The following CMTM1 variants were observed in gnomAD, a reference collection of about 807,000 sequenced individuals.
CMTM1 encodes CKLF like MARVEL transmembrane domain containing 1, also known as CKLF-like MARVEL transmembrane domain-containing protein 1.
CMTM1 carries 16 observed loss-of-function variants against 17.8 expected under a neutral mutation model. The observed-to-expected ratio is 0.90, with a 90% CI of 0.61 to 1.37. CMTM1 has a LOEUF of 1.37. Among genes scored for constraint, CMTM1 ranks in the 40% most tolerant of loss-of-function variants. The probability of loss-of-function intolerance (pLI) is 0.00; values close to 1 mark genes in which losing one functional copy is unlikely to be tolerated. For synonymous variants in CMTM1, 169 were observed against 154.6 expected (o/e 1.09, Z -0.69); for missense variants, 354 against 375.6 (o/e 0.94, Z 0.47).
chr16:66,572,925 C>T (rs1428036073), intron 2 of CMTM1, among the ~76,000 whole-genome samples: 1 of 152,154 alleles, frequency 6.6e-6, no homozygotes, highest in African/African-American at 2.4e-5. Flanking sequence ...AGGGAAGCCC[C>T]AAAGAGAACT....
At chr16:66,571,619 T>C (rs1255974396) in intron 2 of CMTM1, among the ~76,000 whole-genome samples, 3 of 152,246 alleles carry the variant, frequency 2.0e-5, no homozygotes, top group Non-Finnish European at 4.4e-5. Context: ...CTAAATTTTA[T>C]CTCTGTATCT....
chr16:66,574,619 G>T (rs1173843747), intron 2 of CMTM1, among the ~76,000 whole-genome samples: 1 of 152,214 alleles, frequency 6.6e-6, no homozygotes, highest in African/African-American at 2.4e-5. Flanking sequence ...GCGCTTCTTT[G>T]TAAGTAAGGA....
rs114625697 is a variant in CMTM1 at position 66,577,495 on chromosome 16, T to A, written c.690+293T>A. 7.8e-3 allele frequency among the ~76,000 whole-genome samples: 1,187 copies of A among 152,316 alleles called. 11 individuals carry two copies. Among genetic ancestry groups the A allele is most frequent in the African/African-American group, 0.027 (1,142 of 41,558 alleles). Reference sequence around the variant, plus strand: ...TAAGCAAGATCTTTTTGTCTATAAATAGGACTTTGATTTTCTGGACTAGAG... The same window carrying A: ...TAAGCAAGATCTTTTTGTCTATAAAAAGGACTTTGATTTTCTGGACTAGAG... On this transcript the variant is annotated intron_variant, in intron 3 of 3. Transcript: ENST00000379500.
In CMTM1 at chr16:66,577,168, A is replaced by G. The variant is rs769414970; in HGVS notation, c.656A>G (p.Glu219Gly). ...GTAGTTGCCATCTTGGCCATGCAAG[A>G]AAAGAAAAGAAGGCATTTACTCTAT... Reference protein sequence around the residue: ...LSVVAILAMQEKKRRHLLYVG... With the variant: ...LSVVAILAMQGKKRRHLLYVG... The change falls in exon 3 of 4, where the codon GAA becomes GGA. Residue 219 changes from glutamate to glycine, a missense_variant. By Grantham distance (98) the Glu-to-Gly change is moderately conservative. Transcript: ENST00000379500. 4.3e-6 allele frequency: 7 copies of G among 1,613,538 alleles called. No homozygotes were observed. The highest frequency in any genetic ancestry group is 5.9e-6 in the Non-Finnish European group (7 of 1,179,708).
chr16:66,567,067 T>C (rs769436109), intron 1 of CMTM1, 122 bp downstream of exon 1: 2 of 1,015,136 alleles, frequency 2.0e-6, no homozygotes, highest in Admixed American at 4.0e-5. Flanking sequence ...CACCTTTGTT[T>C]TGCCTCACCT....
In CMTM1 at chr16:66,570,034, TA is replaced by T; in HGVS notation, c.532del (p.Ile178PhefsTer2). The stretch of plus-strand genomic sequence containing the variant: ...TGGAAATCTGCATTGTCGTTTTTTT[TA>T]TTCTAATATATGTGCTAACCCTTCA... ...SLEICIVVFFILIYVLTLHHL... is the reference protein window; with the variant it reads ...SLEICIVVFFXLIYVLTLHHL... On this transcript the variant is annotated frameshift_variant, in exon 2 of 4. Transcript: ENST00000379500. LOFTEE classifies it high-confidence loss of function. 2 of 1,613,080 alleles carry T rather than the reference TA, an allele frequency of 1.2e-6. No individual in the cohort carries two copies. Among genetic ancestry groups the T allele is most frequent in the Admixed American group, 3.3e-5 (2 of 59,896 alleles).
intron 3 of CMTM1, among the ~76,000 whole-genome samples, chr16:66,577,935 T>C (rs541576989): frequency 6.6e-6 from 1 of 152,348 alleles, no homozygotes; most frequent in African/African-American, 2.4e-5. Context: ...AATAAATATC[T>C]GTCAATCCCA....
intron 1 of CMTM1, among the ~76,000 whole-genome samples, chr16:66,568,287 G>T (rs1363172915): frequency 6.6e-6 from 1 of 152,074 alleles, no homozygotes; most frequent in Non-Finnish European, 1.5e-5. Context: ...ATAATTCACT[G>T]TATTAGAAGT....
Position 66,578,872 on chromosome 16 carries a change from G to C in CMTM1, c.732G>C (p.Ala244=). 1 of 1,614,168 alleles carries C rather than the reference G, an allele frequency of 6.2e-7. No homozygotes were observed. The highest frequency in any genetic ancestry group is 8.5e-7 in the Non-Finnish European group (1 of 1,180,024). ...LTAVIVCCID[A]FVVTTKMRTN... ...CGGTAATCGTGTGTTGCATCGATGCGTTTGTGGTCACCACGAAGATGAGGA... is the reference window on the plus strand; with the variant it reads ...CGGTAATCGTGTGTTGCATCGATGCCTTTGTGGTCACCACGAAGATGAGGA... Residue 244 remains alanine (A), a synonymous_variant, in exon 4 of 4, where the codon GCG becomes GCC. Coordinates refer to ENST00000379500, the MANE Select transcript of CMTM1 (RefSeq NM_052999.4).
At chr16:66,574,346 G>C (rs913337191) in intron 2 of CMTM1, among the ~76,000 whole-genome samples, 2 of 152,202 alleles carry the variant, frequency 1.3e-5, no homozygotes, top group African/African-American at 4.8e-5. Flanking sequence ...CTGTGTCTAA[G>C]GCAAAAGGGA....
rs143083419 is a variant in CMTM1 at position 66,572,885 on chromosome 16, G to T, written c.591+2791G>T. On this transcript the variant is annotated intron_variant, in intron 2 of 3. Transcript: ENST00000379500. ...GGTAAAAGTCTCCACCAGGGAGACA[G>T]ACTGTGATACATCAGGGCTTGGACT... Among the ~76,000 whole-genome samples the T allele has an allele frequency of 2.6e-3, 393 of 152,342 alleles. 1 individual carries two copies. Among genetic ancestry groups the T allele is most frequent in the African/African-American group, 9.0e-3 (373 of 41,570 alleles).
chr16:66,566,898 A>G lies in CMTM1; in HGVS notation c.385A>G (p.Lys129Glu), dbSNP rs1331208240. 8 of 1,613,920 alleles carry G rather than the reference A, an allele frequency of 5.0e-6. No individual in the cohort carries two copies. Among genetic ancestry groups the G allele is most frequent in the African/African-American group, 1.3e-5 (1 of 74,864 alleles). The change falls in exon 1 of 4, where the codon AAA (lysine) becomes GAA (glutamate). Residue 129 changes from lysine (K) to glutamate (E), a missense_variant. Lys to Glu is a moderately conservative substitution (Grantham distance 56). Transcript: ENST00000379500. The surrounding 1 kb of genome is among the most constrained non-coding windows in gnomAD (Gnocchi z 4.9). ...CCCGTACAAATTCAGGGACAGCCTC[A>G]AACGTTTCTCCTTCTCGCCCACTGG... is the stretch of plus-strand genomic sequence containing the variant. ...KVPYKFRDSLKRFSFSPTGML... is the reference protein window; with the variant it reads ...KVPYKFRDSLERFSFSPTGML...
chr16:66,572,530 G>C (rs1368586907), intron 2 of CMTM1, among the ~76,000 whole-genome samples: 1 of 152,176 alleles, frequency 6.6e-6, no homozygotes, highest in East Asian at 1.9e-4. Context: ...TCAGAAGGTA[G>C]GCAGGCTTAG....
chr16:66,566,773 C>G lies in CMTM1; in HGVS notation c.260C>G (p.Pro87Arg), dbSNP rs761010246. The G allele has an allele frequency of 1.2e-5, 20 of 1,613,250 alleles. No homozygotes were observed. The South Asian group carries it at 1.8e-4, about 14-fold the overall frequency. Residue 87 changes from proline (P) to arginine (R), a missense_variant, in exon 1 of 4, where the codon CCA (proline) becomes CGA (arginine). Pro to Arg is a moderately radical substitution (Grantham distance 103, BLOSUM62 -2). Transcript: ENST00000379500. The surrounding 1 kb of genome is among the most constrained non-coding windows in gnomAD (Gnocchi z 4.9). The stretch of plus-strand genomic sequence containing the variant: ...AGGAAAGCCACCACACGCCCACCCC[C>G]AAAGCCCACACTCCCACCCCCCACG... ...PSRKATTRPPPKPTLPPPTPS... is the reference protein window; with the variant it reads ...PSRKATTRPPRKPTLPPPTPS...
chr16:66,571,168 T>C, intron 2 of CMTM1: 1 of 457,374 alleles, frequency 2.2e-6, no homozygotes, highest in Non-Finnish European at 4.4e-6. Flanking sequence ...ACAAAGCAAA[T>C]ATGAGCAACT....
chr16:66,577,045 A>T (rs1597180662), intron 2 of CMTM1, 59 bp from the exon 3 acceptor site: 1 of 1,500,812 alleles, frequency 6.7e-7, no homozygotes, highest in Non-Finnish European at 9.2e-7. Context: ...TGACCAGTTT[A>T]AATATTTGTG....
chr16:66,575,648 C>T (rs1287379440), intron 2 of CMTM1, among the ~76,000 whole-genome samples: 1 of 152,190 alleles, frequency 6.6e-6, no homozygotes, highest in Non-Finnish European at 1.5e-5. Flanking sequence ...TCCAAGCCTC[C>T]ACCATGTCCT....
chr16:66,568,462 A>T (rs903619911), intron 1 of CMTM1, among the ~76,000 whole-genome samples: 3 of 152,212 alleles, frequency 2.0e-5, no homozygotes, highest in Admixed American at 6.5e-5. Context: ...AACATTTCAA[A>T]CTAAGAGTCA....
At position 66,569,968 on chromosome 16, in the gene CMTM1, C is replaced by T; in HGVS notation, c.465C>T (p.Ile155=). 1.9e-6 allele frequency: 3 copies of T among 1,610,644 alleles called. No homozygotes were observed. ...TCTTAGGAGCATTAGCTTGTTTCATCATCACCCAAGCCAATGAGTCATTTA... is the reference window on the plus strand; with the variant it reads ...TCTTAGGAGCATTAGCTTGTTTCATTATCACCCAAGCCAATGAGTCATTTA... ...SLILGALACF[I]ITQANESFIT... is the part of the protein sequence containing the mutation. Residue 155 remains isoleucine (I), a synonymous_variant, in exon 2 of 4, where the codon ATC becomes ATT. Coordinates refer to ENST00000379500, the MANE Select transcript of CMTM1 (RefSeq NM_052999.4).
Sources: gnomAD v4.1 joint callset for allele counts (sites outside exome capture counted in the v4.1 genomes callset) on GRCh38, gnomAD v4.1.1 for gene constraint, Gnocchi (gnomAD v3.1) non-coding constraint, MANE v1.5 for transcripts, NCBI Gene and HGNC (gene_info 2026-07-23, HGNC 2026-07-21) for gene names.